The following TCFL5 variants were observed in gnomAD, a reference collection of about 807,000 sequenced individuals.
TCFL5 encodes the protein transcription factor-like 5 protein.
In TCFL5, 9 loss-of-function variants were observed where a neutral mutation model predicts 44.3. The ratio of observed to expected loss-of-function variants is 0.20; its 90% CI spans 0.12 to 0.35. The LOEUF (loss-of-function observed/expected upper bound fraction) is 0.35. Ranked by LOEUF, TCFL5 falls within the 10% of genes least tolerant of loss-of-function variation. TCFL5 has a pLI of 1.00. For synonymous variants in TCFL5, 319 were observed against 271.6 expected, an observed-to-expected ratio of 1.17 and a Z score of -1.72; for missense variants, 603 against 613.4, an observed-to-expected ratio of 0.98 and a Z score of 0.18.
At chr20:62,852,130 T>C in intron 5 of TCFL5, 7 of 985,476 alleles carry the variant, frequency 7.1e-6, no homozygotes, top group Non-Finnish European at 8.4e-6. Context: ...GAAGAGGTCC[T>C]TGTTTGTTGC....
rs1305611236 is a variant in TCFL5, at chr20:62,859,354, C to T, written c.994+10G>A. On this transcript the variant is annotated intron_variant, in intron 3 of 5. Coordinates refer to ENST00000335351, the MANE Select transcript of TCFL5 (RefSeq NM_006602.4). The stretch of plus-strand genomic sequence containing the variant: ...AGAAAGCTCCCACTACCTGCTGCTT[C>T]ATCGCTTACCTCCCACTTTAATCCA... 8 of 1,599,772 alleles carry T rather than the reference C, an allele frequency of 5.0e-6. No individual in the cohort carries two copies. The highest frequency in any genetic ancestry group is 2.2e-5 in the South Asian group (2 of 90,260).
chr20:62,857,267 T>C (rs1007361491), intron 4 of TCFL5, 128 bp downstream of exon 4: 7 of 1,341,130 alleles, frequency 5.2e-6, no homozygotes, highest in Middle Eastern at 4.2e-4. Context: ...CTGGGAAAGC[T>C]AACGATGCTC....
At chr20:62,848,390 A>G (rs185760579) in intron 5 of TCFL5, among the ~76,000 whole-genome samples, 35 of 152,362 alleles carry the variant, frequency 2.3e-4, no homozygotes, top group Non-Finnish European at 4.1e-4. Context: ...CAAAATGTGA[A>G]TAACAGTCTT....
In TCFL5 at chr20:62,861,215, G is replaced by A; in HGVS notation, c.456C>T (p.Ala152=). 8.9e-7 allele frequency: 1 copy of A among 1,120,016 alleles called. No individual in the cohort carries two copies. Among genetic ancestry groups the A allele is most frequent in the Non-Finnish European group, 1.1e-6 (1 of 908,888 alleles). 69.4% of individuals were successfully genotyped at this position (1,120,016 alleles called of 1,614,324 possible). A position where few individuals can be genotyped will look rare whatever the true frequency, so the allele number is the denominator to read the frequency against. ...CCTCCTTGGCGGCGCCGTCGGCCCG[G>A]GCCCTCGCTCCGTCCCCGCCGCCCG... The part of the protein sequence containing the change: ...KTSGGGDGAR[A]RADGAAKEGA... Residue 152 remains alanine, a synonymous_variant, in exon 1 of 6, where the codon GCC becomes GCT. Coordinates refer to ENST00000335351, the MANE Select transcript of TCFL5 (RefSeq NM_006602.4). The surrounding 1 kb of genome is among the most constrained non-coding windows in gnomAD (Gnocchi z 4.0).
At chr20:62,859,126 A>G (rs1239044679) in intron 3 of TCFL5, among the ~76,000 whole-genome samples, 1 of 152,260 alleles carries the variant, frequency 6.6e-6, no homozygotes, top group Non-Finnish European at 1.5e-5. Context: ...CTGTTAAGAA[A>G]AAGCCCTCAA....
chr20:62,853,165 A>G (rs886930793), intron 5 of TCFL5, among the ~76,000 whole-genome samples: 2 of 139,206 alleles, frequency 1.4e-5, no homozygotes, highest in African/African-American at 6.4e-5. Context: ...CCCAGTCCAC[A>G]AAAGTATAGT....
At chr20:62,851,617 T>A in intron 5 of TCFL5, 13 of 984,854 alleles carry the variant, frequency 1.3e-5, no homozygotes, top group Non-Finnish European at 1.6e-5. Context: ...CAACATAGCA[T>A]CGCTATAGAA....
chr20:62,841,203 A>G lies in TCFL5; in HGVS notation c.*772T>C, dbSNP rs529133135. Reference sequence around the variant, plus strand: ...TTTTGTGTACAAACTCACATCTCCAATTAACAGTATTTATTGAGGGTGACT... The same window carrying G: ...TTTTGTGTACAAACTCACATCTCCAGTTAACAGTATTTATTGAGGGTGACT... On this transcript the variant is annotated 3_prime_UTR_variant, in exon 6 of 6. Coordinates refer to ENST00000335351, the MANE Select transcript of TCFL5 (RefSeq NM_006602.4). 1 of 160,290 alleles carries G rather than the reference A, an allele frequency of 6.2e-6. No homozygotes were observed. The highest frequency in any genetic ancestry group is 1.4e-4 in the South Asian group (1 of 7,138). 9.9% of individuals were successfully genotyped at this position (160,290 alleles called of 1,614,324 possible). A position where few individuals can be genotyped will look rare whatever the true frequency, so the allele number is the denominator to read the frequency against.
intron 5 of TCFL5, chr20:62,852,587 G>T (rs566558392): frequency 1.0e-6 from 1 of 985,294 alleles, no homozygotes; most frequent in African/African-American, 1.7e-5. Flanking sequence ...TGTCCTGAGG[G>T]ACTGCATATG....
intron 5 of TCFL5, among the ~76,000 whole-genome samples, chr20:62,843,812 C>T (rs1297293554): frequency 6.6e-6 from 1 of 152,216 alleles, no homozygotes; most frequent in Non-Finnish European, 1.5e-5. Flanking sequence ...AATCTGACGG[C>T]TCTAGGTGCC....
At chr20:62,845,834 GATTT>G in intron 5 of TCFL5, 1 of 1,595,764 alleles carries the variant, frequency 6.3e-7, no homozygotes, top group Non-Finnish European at 8.6e-7. Context: ...TTATAAAAGT[GATTT>G]ATGACAAAGA....
intron 3 of TCFL5, 110 bp from the exon 4 acceptor site, chr20:62,857,748 A>G: frequency 3.7e-6 from 5 of 1,341,808 alleles, no homozygotes; most frequent in Non-Finnish European, 5.0e-6. Context: ...TTGGGTAAGC[A>G]GCACAGAGAA....
At chr20:62,852,394 G>A (rs1787033710) in intron 5 of TCFL5, 1 of 983,830 alleles carries the variant, frequency 1.0e-6, no homozygotes, top group Non-Finnish European at 1.2e-6. Context: ...CAGAACCCTG[G>A]AACTGGGGTC....
Position 62,861,305 on chromosome 20 carries a change from G to A in TCFL5, c.366C>T (p.Gly122=). 2 of 1,178,114 alleles carry A rather than the reference G, an allele frequency of 1.7e-6. No individual in the cohort carries two copies. Among genetic ancestry groups the A allele is most frequent in the Non-Finnish European group, 2.1e-6 (2 of 938,740 alleles). The allele number at this position is 1,178,114 out of a possible 1,614,324, so 73.0% of individuals were successfully genotyped here. A position where few individuals can be genotyped will look rare whatever the true frequency, so the allele number is the denominator to read the frequency against. ...SALAADAPCL[G]HIDFQELRMM... is the part of the protein sequence containing the mutation. Reference sequence around the variant, plus strand: ...TGCGCAGCTCCTGGAAGTCGATGTGGCCCAGGCAGGGCGCGTCGGCCGCCA... The same window carrying A: ...TGCGCAGCTCCTGGAAGTCGATGTGACCCAGGCAGGGCGCGTCGGCCGCCA... Residue 122 remains glycine (G), a synonymous_variant, in exon 1 of 6, where the codon GGC becomes GGT. Coordinates refer to ENST00000335351, the MANE Select transcript of TCFL5 (RefSeq NM_006602.4). The surrounding 1 kb of genome is among the most constrained non-coding windows in gnomAD (Gnocchi z 4.0).
chr20:62,848,548 G>A (rs1170602024), intron 5 of TCFL5, among the ~76,000 whole-genome samples: 1 of 152,184 alleles, frequency 6.6e-6, no homozygotes, highest in Non-Finnish European at 1.5e-5. Context: ...GACCAGCCTG[G>A]CCAACATGGC....
intron 3 of TCFL5, 26 bp downstream of exon 3, chr20:62,859,338 C>G: frequency 1.3e-6 from 2 of 1,596,056 alleles, no homozygotes; most frequent in Non-Finnish European, 1.7e-6. Context: ...AAGAAAGCTC[C>G]CACTACCTGC....
chr20:62,844,571 GTTTGTTT>G lies in TCFL5; in HGVS notation c.1381-2481_1381-2475del, dbSNP rs1229426617. Among the ~76,000 whole-genome samples, 80 of 136,618 alleles carry G rather than the reference GTTTGTTT, an allele frequency of 5.9e-4. 2 individuals are homozygous for G. The South Asian group carries it at 0.013, about 23-fold the overall frequency. 89.6% of individuals were successfully genotyped at this position (136,618 alleles called of 152,430 possible). ...CAACATTTTTTTTCTGTTTTTTTTT[GTTTGTTT>G]TTTGTTTTTTTTTTTTTGAGACCGA... On this transcript the variant is annotated intron_variant, in intron 5 of 5. Transcript: ENST00000335351.
intron 5 of TCFL5, among the ~76,000 whole-genome samples, chr20:62,844,582 G>GT (rs745684819): frequency 0.035 from 4,242 of 120,434 alleles, 150 homozygotes; most frequent in African/African-American, 0.096. Context: ...TTTGTTTTTT[G>GT]TTTTTTTTTT....
intron 5 of TCFL5, among the ~76,000 whole-genome samples, chr20:62,846,913 A>G (rs1245558982): frequency 6.6e-6 from 1 of 152,134 alleles, no homozygotes; most frequent in Non-Finnish European, 1.5e-5. Context: ...GGCCGGGTGC[A>G]GTGGCTCACA....
Sources: gnomAD v4.1 joint callset for allele counts (sites outside exome capture counted in the v4.1 genomes callset) on GRCh38, gnomAD v4.1.1 for gene constraint, Gnocchi (gnomAD v3.1) non-coding constraint, MANE v1.5 for transcripts, NCBI Gene and HGNC (gene_info 2026-07-23, HGNC 2026-07-21) for gene names.